Variants in SYT2 observed in about 807,000 individuals in gnomAD.
SYT2 encodes the protein synaptotagmin 2, also known as synaptotagmin-2.
Under a neutral mutation model 39.9 loss-of-function variants are expected in SYT2, and 15 were observed. The observed-to-expected ratio is 0.38, with a 90% CI of 0.25 to 0.58. The LOEUF is 0.58. Among genes scored for constraint, SYT2 ranks in the 20% least tolerant of loss-of-function variants. The probability of loss-of-function intolerance (pLI) is 0.70; values close to 1 mark genes in which losing one functional copy is unlikely to be tolerated. For missense variants in SYT2, 389 were observed against 530.3 expected, an observed-to-expected ratio of 0.73 and a Z score of 2.62; for synonymous variants, 181 against 204.5, an observed-to-expected ratio of 0.89 and a Z score of 0.98.
chr1:202,652,592 G>A (rs745370350), intron 1 of SYT2, among the ~76,000 whole-genome samples: 1 of 152,156 alleles, frequency 6.6e-6, no homozygotes, highest in Non-Finnish European at 1.5e-5. Flanking sequence ...CTGGGCCCTC[G>A]CAACTTCTCT....
rs1654209335 is a variant in SYT2 at position 202,704,870 on chromosome 1, G to C, written c.-18+5388C>G. Among the ~76,000 whole-genome samples, 3 of 152,354 alleles carry C rather than the reference G, an allele frequency of 2.0e-5. No homozygotes were observed. The South Asian group carries it at 6.2e-4, about 32-fold the overall frequency. ...CTGGGGCCTCCCTCCTTGCTTCAGA[G>C]CAGGTGTTCCTGAAGGAGGTGCCAG... On this transcript the variant is annotated intron_variant, in intron 1 of 8. Transcript: ENST00000367268.
At chr1:202,616,616 T>C (rs1402862880) in intron 1 of SYT2, among the ~76,000 whole-genome samples, 2 of 152,170 alleles carry the variant, frequency 1.3e-5, no homozygotes, top group Non-Finnish European at 2.9e-5. Context: ...CTGAAGTAGC[T>C]CTTTGTAAAG....
intron 1 of SYT2, among the ~76,000 whole-genome samples, chr1:202,641,100 CTT>C (rs1458517261): frequency 6.6e-6 from 1 of 152,338 alleles, no homozygotes; most frequent in East Asian, 1.9e-4. Flanking sequence ...GTTTTGACTA[CTT>C]AGTAACTGAA....
At chr1:202,608,477 A>G (rs910672180) in intron 1 of SYT2, among the ~76,000 whole-genome samples, 5 of 151,814 alleles carry the variant, frequency 3.3e-5, no homozygotes, top group Admixed American at 1.3e-4. Context: ...GGGTCTCCCT[A>G]TATTGCCCAG....
rs369906133 is a variant in SYT2 at position 202,658,395 on chromosome 1, G to A, written c.-18+51863C>T. On this transcript the variant is annotated intron_variant, in intron 1 of 8. Transcript: ENST00000367268. ...AGGAAGCCAGCCAGGCCTAGCCACC[G>A]TGTCCCCTCCCTGCGTCAGAAATCC... Among the ~76,000 whole-genome samples the A allele has an allele frequency of 1.4e-4, 21 of 152,242 alleles. 1 individual carries two copies. Among genetic ancestry groups the A allele is most frequent in the Admixed American group, 8.5e-4 (13 of 15,300 alleles).
At chr1:202,619,373 G>A (rs560973707) in intron 1 of SYT2, among the ~76,000 whole-genome samples, 20 of 152,184 alleles carry the variant, frequency 1.3e-4, no homozygotes, top group Non-Finnish European at 2.4e-4. Flanking sequence ...AGGGAGGCTG[G>A]GGGTGGGGAG....
At chr1:202,635,971 GC>G in intron 1 of SYT2, among the ~76,000 whole-genome samples, 1 of 152,258 alleles carries the variant, frequency 6.6e-6, no homozygotes, top group South Asian at 2.1e-4. Context: ...CTTCTGATCA[GC>G]CCCCTGCCTG....
chr1:202,709,566 G>A (rs1360007028), intron 1 of SYT2, among the ~76,000 whole-genome samples: 1 of 152,232 alleles, frequency 6.6e-6, no homozygotes, highest in Non-Finnish European at 1.5e-5. Flanking sequence ...CAGGCTGCGA[G>A]CCTAGCCCTT....
chr1:202,655,964 TC>T (rs374403426), intron 1 of SYT2, among the ~76,000 whole-genome samples: 34 of 152,216 alleles, frequency 2.2e-4, no homozygotes, highest in African/African-American at 8.2e-4. Context: ...GAGGGGGGCT[TC>T]CCTGTCTGAG....
intron 1 of SYT2, among the ~76,000 whole-genome samples, chr1:202,645,244 C>T (rs1692056794): frequency 6.6e-6 from 1 of 152,216 alleles, no homozygotes. Flanking sequence ...AACCTACCCC[C>T]ACCTCGTCAT....
chr1:202,623,080 T>C lies in SYT2; in HGVS notation c.-17-17291A>G, dbSNP rs546375533. Among the ~76,000 whole-genome samples, 1 of 152,098 alleles carries C rather than the reference T, an allele frequency of 6.6e-6. No homozygotes were observed. The highest frequency in any genetic ancestry group is 2.1e-4 in the South Asian group (1 of 4,824). On this transcript the variant is annotated intron_variant, in intron 1 of 8. Transcript: ENST00000367268. The surrounding 1 kb of genome is among the most constrained non-coding windows in gnomAD (Gnocchi z 4.2). ...CCATTTGATCCTTGGCTAACTCTTG[T>C]AGGGTGCAGGGATAGTAGCAGTGGT...
rs200149183 is a variant in SYT2 at position 202,596,763 on chromosome 1, G to A, written c.1254C>T (p.Asn418=). The A allele has an allele frequency of 1.1e-4, 178 of 1,613,560 alleles. 1 individual carries two copies. The East Asian group carries it at 3.5e-3, about 31-fold the overall frequency. ...EEEVDALLGK[N]K ...GGGTCCCAGCCGCTGCTGTCTACTT[G>A]TTCTTGCCCAGGAGTGCATCCACCT... Residue 418 remains asparagine (N), a synonymous_variant, in exon 9 of 9, where the codon AAC becomes AAT. Transcript: ENST00000367268.
At chr1:202,669,418 G>A (rs779257194) in intron 1 of SYT2, among the ~76,000 whole-genome samples, 3 of 151,892 alleles carry the variant, frequency 2.0e-5, no homozygotes, top group Non-Finnish European at 4.4e-5. Context: ...TTGGGAGGCC[G>A]AGGCGGGTGG....
chr1:202,609,187 T>A (rs990764164), intron 1 of SYT2, among the ~76,000 whole-genome samples: 9 of 151,772 alleles, frequency 5.9e-5, no homozygotes, highest in African/African-American at 2.2e-4. Flanking sequence ...TTCATCCATG[T>A]CCCTACAAAG....
At chr1:202,666,077 A>T (rs186088705) in intron 1 of SYT2, among the ~76,000 whole-genome samples, 34 of 148,604 alleles carry the variant, frequency 2.3e-4, no homozygotes, top group African/African-American at 8.2e-4. Flanking sequence ...GGCGTGAACC[A>T]GGGAGGCGGA....
chr1:202,629,876 G>GC (rs950227451), intron 1 of SYT2, among the ~76,000 whole-genome samples: 1 of 126,212 alleles, frequency 7.9e-6, no homozygotes, highest in Non-Finnish European at 1.8e-5. Flanking sequence ...GTGGGGGGGG[G>GC]GGGGTGGTAC....
chr1:202,709,472 AGCATAG>A (rs1654337380), intron 1 of SYT2, among the ~76,000 whole-genome samples: 1 of 152,188 alleles, frequency 6.6e-6, no homozygotes. Flanking sequence ...TGGGGGAAGG[AGCATAG>A]GCAGGGGAAG....
At chr1:202,701,988 C>T (rs1654133571) in intron 1 of SYT2, among the ~76,000 whole-genome samples, 1 of 152,202 alleles carries the variant, frequency 6.6e-6, no homozygotes, top group African/African-American at 2.4e-5. Context: ...TTCAGTTATG[C>T]CCTACAGAAC....
intron 1 of SYT2, among the ~76,000 whole-genome samples, chr1:202,606,837 A>G (rs1215892408): frequency 3.3e-5 from 5 of 152,012 alleles, no homozygotes; most frequent in Non-Finnish European, 5.9e-5. Context: ...GGGGCATTCT[A>G]TGCTGGTATT....
Sources: allele counts gnomAD v4.1 joint callset (sites outside exome capture counted in the v4.1 genomes callset), GRCh38; gene constraint gnomAD v4.1.1; non-coding constraint Gnocchi (gnomAD v3.1); transcripts MANE v1.5; gene names NCBI Gene and HGNC (gene_info 2026-07-23, HGNC 2026-07-21).